The following YES1 variants were observed in gnomAD, a reference collection of about 807,000 sequenced individuals.
YES1 encodes tyrosine-protein kinase Yes.
A neutral mutation model predicts 70.4 loss-of-function variants in YES1; 39 were observed. The ratio of observed to expected loss-of-function variants is 0.55; its 90% confidence interval spans 0.43 to 0.72. The LOEUF (loss-of-function observed/expected upper bound fraction) is 0.72, where lower values mean the gene tolerates loss of function less well. YES1 is among the 30% of genes least tolerant of loss of function. The pLI, the probability that YES1 is intolerant of heterozygous loss-of-function variation, is 0.00. For synonymous variants in YES1, 198 were observed against 218.6 expected, an observed-to-expected ratio of 0.91 and a Z score of 0.83; for missense variants, 495 against 644.8, an observed-to-expected ratio of 0.77 and a Z score of 2.52.
intron 6 of YES1, among the ~76,000 whole-genome samples, chr18:744,026 A>C (rs2080248677): frequency 6.7e-6 from 1 of 149,996 alleles, no homozygotes; most frequent in Admixed American, 6.7e-5. Context: ...TATATAGTAG[A>C]TATGTTAGTA....
rs1741588797 is a variant in YES1 at position 742,968 on chromosome 18, G to A, written c.1010C>T (p.Ala337Val). 1 of 1,609,428 alleles carries A rather than the reference G, an allele frequency of 6.2e-7. No individual in the cohort carries two copies. The highest frequency in any genetic ancestry group is 8.5e-7 in the Non-Finnish European group (1 of 1,179,070). ...GTAAATTGGTTCTTCAGAAACAACA[G>A]CATATAGTGGAACAAGTTTATCATG... ...LRHDKLVPLY[A>V]VVSEEPIYIV... The change falls in exon 8 of 12, where the codon GCT (alanine) becomes GTT (valine). Residue 337 changes from alanine (A) to valine (V), a missense_variant. Physicochemically the swap from Ala to Val is moderately conservative, Grantham distance 64. This residue lies in a region of YES1 where 385 missense variants were observed against 540.9 expected (regional missense o/e 0.71). Transcript: ENST00000314574.
At position 765,248 on chromosome 18, in the gene YES1, CTATATATATATATATATATA is replaced by C. The variant is rs71174288; in HGVS notation, c.-8-8433_-8-8414del. Among the ~76,000 whole-genome samples the C allele has an allele frequency of 4.3e-3, 398 of 91,510 alleles. 4 individuals carry two copies. The highest frequency in any genetic ancestry group is 9.2e-3 in the African/African-American group (242 of 26,392). The allele number at this position is 91,510 out of a possible 152,430, so 60.0% of individuals were successfully genotyped here. A position where few individuals can be genotyped will look rare whatever the true frequency, so the allele number is the denominator to read the frequency against. ...GGACAGGTTTGGGAAAGAGTTACAACTATATATATATATATATATATATATATATATATATATATATATAT... is the reference window on the plus strand; with the variant it reads ...GGACAGGTTTGGGAAAGAGTTACAACTATATATATATATATATATATATAT... On this transcript the variant is annotated intron_variant, in intron 1 of 11. Coordinates refer to ENST00000314574, the MANE Select transcript of YES1 (RefSeq NM_005433.4).
Position 724,373 on chromosome 18 carries a change from C to A in YES1, c.*51G>T, listed in dbSNP as rs778456524. 3.3e-6 allele frequency: 5 copies of A among 1,497,534 alleles called. No individual in the cohort carries two copies. The highest frequency in any genetic ancestry group is 1.2e-5 in the South Asian group (1 of 84,856). The allele number at this position is 1,497,534 out of a possible 1,614,324, so 92.8% of individuals were successfully genotyped here. A position where few individuals can be genotyped will look rare whatever the true frequency, so the allele number is the denominator to read the frequency against. On this transcript the variant is annotated 3_prime_UTR_variant, in exon 12 of 12. Coordinates refer to ENST00000314574, the MANE Select transcript of YES1 (RefSeq NM_005433.4). ...TTTTGATTCCTGTAGAAAATCTACA[C>A]AAGTTCTTTATATTTTGGCAGATTT...
intron 1 of YES1, among the ~76,000 whole-genome samples, chr18:759,560 G>A (rs1289747540): frequency 1.3e-5 from 2 of 152,116 alleles, no homozygotes; most frequent in Non-Finnish European, 2.9e-5. Context: ...ATTCAGCCAA[G>A]ATTCAAAAGT....
chr18:743,596 A>G (rs1238796735), intron 6 of YES1, among the ~76,000 whole-genome samples, 181 bp from the exon 7 acceptor site: 1 of 152,214 alleles, frequency 6.6e-6, no homozygotes, highest in East Asian at 1.9e-4. Context: ...AATATACATA[A>G]GTGAAACATT....
intron 1 of YES1, among the ~76,000 whole-genome samples, chr18:796,314 T>C (rs1032036716): frequency 3.3e-5 from 5 of 152,202 alleles, no homozygotes; most frequent in African/African-American, 1.2e-4. Flanking sequence ...AAAATAAAGA[T>C]ATCAAGAATA....
At chr18:737,598 C>G (rs958853727) in intron 9 of YES1, 1 of 152,200 alleles carries the variant, frequency 6.6e-6, no homozygotes, top group African/African-American at 2.4e-5. Flanking sequence ...TCAGGCACAA[C>G]CTAAGATGAC....
intron 2 of YES1, among the ~76,000 whole-genome samples, chr18:755,585 G>T (rs2080396206): frequency 6.6e-6 from 1 of 152,112 alleles, no homozygotes; most frequent in African/African-American, 2.4e-5. Flanking sequence ...GGAACAGACT[G>T]AAGAGACAAA....
chr18:742,825 T>C (rs1192455424), intron 8 of YES1, 93 bp downstream of exon 8: 1 of 1,030,540 alleles, frequency 9.7e-7, no homozygotes, highest in African/African-American at 1.7e-5. Context: ...ATAAAAATCT[T>C]AAATTAGAAA....
intron 1 of YES1, among the ~76,000 whole-genome samples, chr18:757,299 T>A (rs8096895): frequency 0.064 from 9,649 of 151,472 alleles, 442 homozygotes; most frequent in East Asian, 0.15. Flanking sequence ...GTCAGGAGAT[T>A]GAGACCATCC....
intron 1 of YES1, among the ~76,000 whole-genome samples, chr18:773,321 G>C (rs549317213): frequency 2.0e-5 from 3 of 152,298 alleles, no homozygotes; most frequent in South Asian, 2.1e-4. Flanking sequence ...CCTCATACCT[G>C]AACTACTTTC....
chr18:756,416 T>C (rs1185853467), intron 2 of YES1, 141 bp downstream of exon 2: 2 of 1,158,660 alleles, frequency 1.7e-6, no homozygotes, highest in African/African-American at 3.1e-5. Flanking sequence ...CTAATTTTTA[T>C]GTTAGAGACT....
chr18:745,956 G>T lies in YES1; in HGVS notation c.566C>A (p.Thr189Lys), dbSNP rs774998072. Residue 189 changes from threonine to lysine, a missense_variant, in exon 5 of 12, where the codon ACA (threonine) becomes AAA (lysine). Coordinates refer to ENST00000314574, the MANE Select transcript of YES1 (RefSeq NM_005433.4). ...RGIFLVRESETTKGAYSLSIR... is the reference protein window; with the variant it reads ...RGIFLVRESEKTKGAYSLSIR... ...TATAACAATATTCATACCTTTAGTT[G>T]TTTCACTCTCTCTTACTAAGAAAAT... is the stretch of plus-strand genomic sequence containing the variant. 6.2e-7 allele frequency: 1 copy of T among 1,611,444 alleles called. No individual in the cohort carries two copies. The highest frequency in any genetic ancestry group is 8.5e-7 in the Non-Finnish European group (1 of 1,178,522).
intron 11 of YES1, 77 bp downstream of exon 11, chr18:732,757 G>C: frequency 6.3e-7 from 1 of 1,583,916 alleles, no homozygotes; most frequent in Non-Finnish European, 8.7e-7. Flanking sequence ...CCTTTTCCCC[G>C]CTTACAATTC....
chr18:727,579 GTTGGCTTTT>G lies in YES1; in HGVS notation c.1424-2956_1424-2948del, dbSNP rs543627154. Among the ~76,000 whole-genome samples the G allele has an allele frequency of 1.0e-3, 129 of 126,850 alleles. 1 individual carries two copies. The highest frequency in any genetic ancestry group is 3.9e-3 in the African/African-American group (122 of 31,546). 83.2% of individuals were successfully genotyped at this position (126,850 alleles called of 152,430 possible). A position where few individuals can be genotyped will look rare whatever the true frequency, so the allele number is the denominator to read the frequency against. ...CAATGTTCAATTTTTTCTCTCCTCTGTTGGCTTTTTGTCTTCTCTTGTTATTTTAGTAGT... is the reference window on the plus strand; with the variant it reads ...CAATGTTCAATTTTTTCTCTCCTCTGTGTCTTCTCTTGTTATTTTAGTAGT... On this transcript the variant is annotated intron_variant, in intron 11 of 11. Coordinates refer to ENST00000314574, the MANE Select transcript of YES1 (RefSeq NM_005433.4).
chr18:743,520 T>A, intron 6 of YES1, 105 bp from the exon 7 acceptor site: 1 of 950,120 alleles, frequency 1.1e-6, no homozygotes, highest in Non-Finnish European at 1.5e-6. Context: ...AAAACAGAAG[T>A]CCTTTCGAGT....
chr18:798,769 A>G (rs1285215228), intron 1 of YES1, among the ~76,000 whole-genome samples: 1 of 152,184 alleles, frequency 6.6e-6, no homozygotes, highest in African/African-American at 2.4e-5. Context: ...CAGGGGGTAC[A>G]CTGTCCATTA....
intron 1 of YES1, among the ~76,000 whole-genome samples, chr18:789,015 AT>A (rs1906105925): frequency 6.6e-6 from 1 of 152,214 alleles, no homozygotes; most frequent in South Asian, 2.1e-4. Context: ...TTATCATATT[AT>A]GGCCCCCATT....
intron 1 of YES1, among the ~76,000 whole-genome samples, chr18:762,509 C>A (rs998875088): frequency 1.8e-4 from 28 of 151,900 alleles, no homozygotes; most frequent in Admixed American, 1.8e-3. Flanking sequence ...AAAGAAAAAA[C>A]AAACAATAAA....
Sources: allele counts gnomAD v4.1 joint callset (sites outside exome capture counted in the v4.1 genomes callset), GRCh38; gene constraint gnomAD v4.1.1; regional missense constraint gnomAD v4.1.1; transcripts MANE v1.5; gene names NCBI Gene and HGNC (gene_info 2026-07-23, HGNC 2026-07-21).